The following DDAH1 variants were observed in gnomAD, a reference collection of about 807,000 sequenced individuals.
DDAH1 encodes the protein N(G),N(G)-dimethylarginine dimethylaminohydrolase 1.
A neutral mutation model predicts 28.8 loss-of-function variants in DDAH1; 19 were observed. The ratio of observed to expected loss-of-function variants is 0.66; its 90% CI spans 0.46 to 0.97. The LOEUF (loss-of-function observed/expected upper bound fraction) is 0.97, where lower values mean the gene tolerates loss of function less well. Among genes scored for constraint, DDAH1 ranks in the 50% least tolerant of loss-of-function variants. The probability of loss-of-function intolerance (pLI) is 0.00; values close to 1 mark genes in which losing one functional copy is unlikely to be tolerated. For synonymous variants in DDAH1, 153 were observed against 154.4 expected (o/e 0.99, Z 0.07); for missense variants, 326 against 375.9 (o/e 0.87, Z 1.10).
chr1:85,479,446 T>C (rs1570592835), intron 2 of DDAH1, among the ~76,000 whole-genome samples: 1 of 152,140 alleles, frequency 6.6e-6, no homozygotes. Flanking sequence ...GTGCTGGGAT[T>C]ACAGGCGTGA....
intron 1 of DDAH1, among the ~76,000 whole-genome samples, chr1:85,393,962 GTGTCTGTA>G (rs1414912899): frequency 6.6e-6 from 1 of 152,154 alleles, no homozygotes; most frequent in Non-Finnish European, 1.5e-5. Flanking sequence ...TTCTGGCTGT[GTGTCTGTA>G]TGTCTACATG....
At chr1:85,500,093 CCCT>C (rs1473388126) in intron 1 of DDAH1, among the ~76,000 whole-genome samples, 1 of 149,770 alleles carries the variant, frequency 6.7e-6, no homozygotes, top group Non-Finnish European at 1.5e-5. Flanking sequence ...TTCCTTCCTT[CCCT>C]CCTTCCTCTT....
At chr1:85,555,151 G>A (rs937185774) in intron 1 of DDAH1, among the ~76,000 whole-genome samples, 2 of 152,230 alleles carry the variant, frequency 1.3e-5, no homozygotes, top group African/African-American at 2.4e-5. Context: ...ATAGTGCCTT[G>A]CACACTGGAG....
chr1:85,427,446 G>GT (rs1198400451), intron 1 of DDAH1, among the ~76,000 whole-genome samples: 1 of 152,184 alleles, frequency 6.6e-6, no homozygotes, highest in Admixed American at 6.5e-5. Flanking sequence ...AAGGAACTTT[G>GT]TTTAGGATTT....
intron 1 of DDAH1, among the ~76,000 whole-genome samples, chr1:85,541,060 T>C (rs1337071612): frequency 6.6e-6 from 1 of 152,040 alleles, no homozygotes; most frequent in African/African-American, 2.4e-5. Context: ...GGTTTTTCTC[T>C]ATTATTCATT....
rs932729850 is a variant in DDAH1, at chr1:85,567,969, A to G, written c.-123+10015T>C. 6.6e-5 allele frequency among the ~76,000 whole-genome samples: 10 copies of G among 152,216 alleles called. 1 individual carries two copies. The highest frequency in any genetic ancestry group is 2.4e-4 in the African/African-American group (10 of 41,466). ...GTCTCAAGAAGTATAAAAGAATTCA[A>G]GTTAAACACAGTTTATTTTCTGACC... On this transcript the variant is annotated intron_variant, in intron 1 of 6. Transcript: ENST00000426972.
Position 85,464,589 on chromosome 1 carries a change from GACACACAC to G in DDAH1, c.303+146_303+153del. ...ACAATGAACTTCTCTCTGACTCTCT[GACACACAC>G]ACACACACACACACTCGCCCCCCGA... is the stretch of plus-strand genomic sequence containing the variant. On this transcript the variant is annotated intron_variant, in intron 1 of 5. Transcript: ENST00000284031. This position sits in a 1 kb window ranked among gnomAD's most constrained non-coding sequence, Gnocchi z 4.4. 6.5e-6 allele frequency: 9 copies of G among 1,375,110 alleles called. No homozygotes were observed. The highest frequency in any genetic ancestry group is 1.4e-5 in the African/African-American group (1 of 70,264). 85.2% of individuals were successfully genotyped at this position (1,375,110 alleles called of 1,614,324 possible). A position where few individuals can be genotyped will look rare whatever the true frequency, so the allele number is the denominator to read the frequency against.
intron 1 of DDAH1, among the ~76,000 whole-genome samples, chr1:85,506,301 GAA>G (rs1433485407): frequency 6.6e-6 from 1 of 152,160 alleles, no homozygotes. Flanking sequence ...AGGTCAGTGT[GAA>G]AGAGTGAGCA....
chr1:85,438,111 A>T (rs988368519), intron 1 of DDAH1, among the ~76,000 whole-genome samples: 2 of 152,214 alleles, frequency 1.3e-5, no homozygotes, highest in Non-Finnish European at 2.9e-5. Context: ...TCTCACTTAT[A>T]TGTGGGAGCT....
chr1:85,416,616 A>C (rs556246687), intron 1 of DDAH1, among the ~76,000 whole-genome samples: 1 of 152,328 alleles, frequency 6.6e-6, no homozygotes, highest in South Asian at 2.1e-4. Flanking sequence ...AAGAATTTAG[A>C]ATAGTGTGGT....
At chr1:85,470,806 T>G (rs1025268188) in intron 2 of DDAH1, among the ~76,000 whole-genome samples, 4 of 152,178 alleles carry the variant, frequency 2.6e-5, no homozygotes, top group Non-Finnish European at 5.9e-5. Context: ...CCTCCTAATC[T>G]CAGTTTCTCC....
chr1:85,573,522 A>G (rs571631346), intron 1 of DDAH1, among the ~76,000 whole-genome samples: 20 of 152,354 alleles, frequency 1.3e-4, no homozygotes, highest in South Asian at 4.1e-4. Context: ...GTGTTATCAC[A>G]AAACAAGAAG....
intron 1 of DDAH1, among the ~76,000 whole-genome samples, chr1:85,410,285 G>GA (rs925127814): frequency 2.0e-5 from 3 of 151,208 alleles, no homozygotes; most frequent in Non-Finnish European, 4.4e-5. Flanking sequence ...TTTCTCAAGG[G>GA]AAAAAAAATA....
chr1:85,445,403 G>A (rs1654388715), intron 1 of DDAH1, among the ~76,000 whole-genome samples: 1 of 152,090 alleles, frequency 6.6e-6, no homozygotes, highest in South Asian at 2.1e-4. Flanking sequence ...TTAGTGATTT[G>A]TGCAATACTA....
upstream of DDAH1, chr1:85,465,241 G>C: frequency 9.1e-7 from 1 of 1,096,852 alleles, no homozygotes; most frequent in Non-Finnish European, 1.1e-6. Flanking sequence ...CGGCCCGCGC[G>C]CATCCCGCGC....
chr1:85,399,894 A>G (rs1331022063), intron 1 of DDAH1: 1 of 152,096 alleles, frequency 6.6e-6, no homozygotes, highest in Non-Finnish European at 1.5e-5. Context: ...CTCACTGGCA[A>G]ATTTATTGTA....
At chr1:85,542,137 A>G (rs889304358) in intron 1 of DDAH1, among the ~76,000 whole-genome samples, 2 of 152,218 alleles carry the variant, frequency 1.3e-5, no homozygotes, top group Middle Eastern at 3.2e-3. Flanking sequence ...TAGCTAATAA[A>G]TGGCAGAGGT....
At chr1:85,425,774 G>T (rs6672870) in intron 1 of DDAH1, among the ~76,000 whole-genome samples, 123,940 of 152,126 alleles carry the variant, frequency 0.81, 50,671 homozygotes, top group Middle Eastern at 0.9. Context: ...TTAAAAGAAT[G>T]CTTGAATAAG....
chr1:85,539,208 A>G (rs1282492009), intron 1 of DDAH1, among the ~76,000 whole-genome samples: 1 of 151,446 alleles, frequency 6.6e-6, no homozygotes, highest in East Asian at 1.9e-4. Flanking sequence ...GTGCAACGGC[A>G]CAGTCTTGGC....
Sources: allele counts gnomAD v4.1 joint callset (sites outside exome capture counted in the v4.1 genomes callset), GRCh38; gene constraint gnomAD v4.1.1; non-coding constraint Gnocchi (gnomAD v3.1); transcripts MANE v1.5; gene names NCBI Gene and HGNC (gene_info 2026-07-23, HGNC 2026-07-21).